ADAMTSL3: variants seen among roughly 807,000 people sequenced by gnomAD.
ADAMTSL3 encodes the protein ADAMTS like 3.
ADAMTSL3 carries 128 observed loss-of-function variants against 201.7 expected under a neutral mutation model. That is an observed-to-expected ratio of 0.63 (90% CI 0.55 to 0.73). The LOEUF (loss-of-function observed/expected upper bound fraction) is 0.73, where lower values mean the gene tolerates loss of function less well. Ranked by LOEUF, ADAMTSL3 falls within the 30% of genes least tolerant of loss-of-function variation. The pLI, the probability that ADAMTSL3 is intolerant of heterozygous loss-of-function variation, is 0.00. For missense variants in ADAMTSL3, 1,990 were observed against 2,119.6 expected, an observed-to-expected ratio of 0.94 and a Z score of 1.20; for synonymous variants, 738 against 748.4, an observed-to-expected ratio of 0.99 and a Z score of 0.23.
chr15:83,719,904 C>A (rs1285282652), intron 3 of ADAMTSL3, among the ~76,000 whole-genome samples: 1 of 152,154 alleles, frequency 6.6e-6, no homozygotes, highest in African/African-American at 2.4e-5. Flanking sequence ...AAGCCAATTT[C>A]ATACCTAGGT....
At chr15:83,758,189 A>T (rs925912551) in intron 3 of ADAMTSL3, among the ~76,000 whole-genome samples, 1 of 152,176 alleles carries the variant, frequency 6.6e-6, no homozygotes. Flanking sequence ...CATGCTGCTG[A>T]TAAAGACATA....
At chr15:83,844,520 G>A (rs2064454860) in intron 7 of ADAMTSL3, among the ~76,000 whole-genome samples, 1 of 152,044 alleles carries the variant, frequency 6.6e-6, no homozygotes, top group Admixed American at 6.5e-5. Context: ...CTCCACATTC[G>A]TCTTTCTAGG....
chr15:83,795,087 C>G (rs2063402807), intron 4 of ADAMTSL3, among the ~76,000 whole-genome samples: 1 of 152,144 alleles, frequency 6.6e-6, no homozygotes, highest in Non-Finnish European at 1.5e-5. Context: ...CTCCTGACCT[C>G]AAGTGATCCA....
intron 4 of ADAMTSL3, among the ~76,000 whole-genome samples, chr15:83,794,883 C>G (rs866919925): frequency 2.0e-5 from 3 of 152,094 alleles, no homozygotes; most frequent in Non-Finnish European, 4.4e-5. Flanking sequence ...GATGGAGTCT[C>G]ACTCCGTTGT....
chr15:84,036,622 A>G, intron 28 of ADAMTSL3, 151 bp from the exon 29 acceptor site: 3 of 635,024 alleles, frequency 4.7e-6, no homozygotes, highest in African/African-American at 1.8e-5. Context: ...CCTGTATGGC[A>G]TAAAAGCAGA....
intron 23 of ADAMTSL3, among the ~76,000 whole-genome samples, chr15:84,004,832 A>T (rs946915672): frequency 6.6e-6 from 1 of 151,548 alleles, no homozygotes; most frequent in Non-Finnish European, 1.5e-5. Flanking sequence ...AGGGAATAGC[A>T]AATGATCTGC....
At chr15:83,872,598 C>CCACACACACACACACACACACACACACA (rs149299146) in intron 9 of ADAMTSL3, among the ~76,000 whole-genome samples, 1 of 46,498 alleles carries the variant, frequency 2.2e-5, no homozygotes, top group Non-Finnish European at 4.5e-5. Context: ...AAAATATACA[C>CCACACACACACACACACACACACACACA]CACACACACA....
chr15:83,902,010 G>A (rs928944192), intron 15 of ADAMTSL3, among the ~76,000 whole-genome samples: 9 of 152,192 alleles, frequency 5.9e-5, no homozygotes, highest in Non-Finnish European at 1.0e-4. Flanking sequence ...CCCCAAACTA[G>A]AAGCCTGGAT....
chr15:83,859,830 G>T (rs1432467454), intron 8 of ADAMTSL3, among the ~76,000 whole-genome samples: 1 of 152,164 alleles, frequency 6.6e-6, no homozygotes, highest in Non-Finnish European at 1.5e-5. Flanking sequence ...ATCCCCTCAT[G>T]GGAGAATAAA....
chr15:83,804,752 C>T (rs999929280), intron 5 of ADAMTSL3, 57 bp downstream of exon 5: 3 of 1,332,310 alleles, frequency 2.3e-6, no homozygotes, highest in Non-Finnish European at 3.1e-6. Context: ...TTTTAAGTTA[C>T]AATATTCCAA....
At chr15:83,801,914 T>A (rs1341346147) in intron 4 of ADAMTSL3, among the ~76,000 whole-genome samples, 1 of 151,446 alleles carries the variant, frequency 6.6e-6, no homozygotes, top group Admixed American at 6.6e-5. Context: ...ACTGGATACA[T>A]CCTGATTATA....
rs2068090165 is a variant in ADAMTSL3, at chr15:84,016,532, G to T, written c.4273+33G>T. ...ATTTTGACCTTTTCAGATTTGCTAT[G>T]TGTGAGGCATGTGTAAGGAAAAGGA... On this transcript the variant is annotated intron_variant, in intron 25 of 29. Coordinates refer to ENST00000286744, the MANE Select transcript of ADAMTSL3 (RefSeq NM_207517.3). The T allele has an allele frequency of 2.0e-6, 3 of 1,530,858 alleles. No individual in the cohort carries two copies. The South Asian group carries it at 3.4e-5, about 17-fold the overall frequency. The allele number at this position is 1,530,858 out of a possible 1,614,324, so 94.8% of individuals were successfully genotyped here.
In ADAMTSL3 at chr15:84,026,879, T is replaced by C. The variant is rs181538746; in HGVS notation, c.4656+1443T>C. ...TTGGATTAGGAAATGGCTTCTTAGATATAACAACAAAAGCATAAGCAACAA... is the reference window on the plus strand; with the variant it reads ...TTGGATTAGGAAATGGCTTCTTAGACATAACAACAAAAGCATAAGCAACAA... On this transcript the variant is annotated intron_variant, in intron 27 of 29. Transcript: ENST00000286744. Among the ~76,000 whole-genome samples the C allele has an allele frequency of 1.3e-4, 20 of 152,216 alleles. No homozygotes were observed. The East Asian group carries it at 3.9e-3, about 29-fold the overall frequency.
At chr15:83,779,111 A>G (rs2063125828) in intron 4 of ADAMTSL3, among the ~76,000 whole-genome samples, 1 of 152,196 alleles carries the variant, frequency 6.6e-6, no homozygotes, top group East Asian at 1.9e-4. Context: ...CAAATTCATA[A>G]AGCAAATTCT....
chr15:83,754,151 C>T (rs2062681721), intron 3 of ADAMTSL3, among the ~76,000 whole-genome samples: 1 of 152,172 alleles, frequency 6.6e-6, no homozygotes. Context: ...GTAGCACCTC[C>T]CTCTCCTCAG....
At chr15:83,839,272 C>T (rs1005633253) in intron 7 of ADAMTSL3, among the ~76,000 whole-genome samples, 2 of 151,922 alleles carry the variant, frequency 1.3e-5, no homozygotes, top group Non-Finnish European at 2.9e-5. Context: ...GAAAGCATTG[C>T]GGGAGGGGTG....
At chr15:83,821,980 C>A in intron 6 of ADAMTSL3, among the ~76,000 whole-genome samples, 1 of 141,778 alleles carries the variant, frequency 7.1e-6, no homozygotes, top group African/African-American at 2.7e-5. Context: ...CCGGACGGGG[C>A]TGCTGGCCGG....
chr15:83,671,769 T>C (rs1403960003), intron 2 of ADAMTSL3, among the ~76,000 whole-genome samples: 3 of 152,226 alleles, frequency 2.0e-5, no homozygotes, highest in African/African-American at 7.2e-5. Flanking sequence ...CTAACTCTTT[T>C]GTTTTCTTGT....
chr15:83,874,674 A>T (rs1391132605), intron 9 of ADAMTSL3, among the ~76,000 whole-genome samples: 1 of 143,908 alleles, frequency 6.9e-6, no homozygotes, highest in African/African-American at 2.7e-5. Flanking sequence ...CTCTAAAGCC[A>T]GCCAAGGATT....
Sources: gnomAD v4.1 joint callset for allele counts (sites outside exome capture counted in the v4.1 genomes callset) on GRCh38, gnomAD v4.1.1 for gene constraint, MANE v1.5 for transcripts, NCBI Gene and HGNC (gene_info 2026-07-23, HGNC 2026-07-21) for gene names.